SHISA9: variants seen among roughly 807,000 people sequenced by gnomAD.
SHISA9 encodes the protein shisa family member 9.
SHISA9 carries 13 observed loss-of-function variants against 38.0 expected under a neutral mutation model. The ratio of observed to expected loss-of-function variants is 0.34; its 90% confidence interval spans 0.22 to 0.54. The LOEUF is 0.54. SHISA9 is among the 20% of genes least tolerant of loss of function. The pLI is 0.91. For synonymous variants in SHISA9, 275 were observed against 242.0 expected (o/e 1.14, Z -1.27); for missense variants, 538 against 575.8 (o/e 0.93, Z 0.67).
intron 4 of SHISA9, among the ~76,000 whole-genome samples, chr16:13,219,763 C>G (rs1326044629): frequency 1.3e-5 from 2 of 152,130 alleles, no homozygotes; most frequent in Non-Finnish European, 2.9e-5. Flanking sequence ...TCAAGACCAA[C>G]CTGGCCAACA....
the SHISA9 span, among the ~76,000 whole-genome samples, chr16:13,375,042 T>C: frequency 6.6e-6 from 1 of 152,220 alleles, no homozygotes; most frequent in East Asian, 1.9e-4. Flanking sequence ...CGTAAATTTG[T>C]TTAAGTTCTT....
intron 2 of SHISA9, among the ~76,000 whole-genome samples, chr16:13,019,952 T>TCCTTCC (rs1567184272): frequency 3.4e-5 from 2 of 59,288 alleles, no homozygotes; most frequent in Admixed American, 3.9e-4. Context: ...TCTTTCTTTC[T>TCCTTCC]TTCTTTCCCT....
At chr16:13,446,537 A>G in the SHISA9 span, among the ~76,000 whole-genome samples, 3 of 152,316 alleles carry the variant, frequency 2.0e-5, no homozygotes, top group Non-Finnish European at 2.9e-5. Context: ...AGTGAGACCA[A>G]TAAGATGTCT....
At chr16:13,023,599 T>C (rs1039831245) in intron 2 of SHISA9, among the ~76,000 whole-genome samples, 1 of 152,234 alleles carries the variant, frequency 6.6e-6, no homozygotes, top group Non-Finnish European at 1.5e-5. Context: ...CGCCACACTG[T>C]CTTCCACAAT....
chr16:13,236,447 C>G lies in SHISA9; in HGVS notation c.*1038C>G, dbSNP rs1232760168. ...CCAAGACCTGAAACAGCCACAGAAA[C>G]AAGTCCTCTATAAACTGTATGTCCC... On this transcript the variant is annotated 3_prime_UTR_variant, in exon 5 of 5. Transcript: ENST00000558583. The G allele has an allele frequency of 6.6e-6, 1 of 152,142 alleles. No homozygotes were observed. Among genetic ancestry groups the G allele is most frequent in the Non-Finnish European group, 1.5e-5 (1 of 68,028 alleles). 9.4% of individuals were successfully genotyped at this position (152,142 alleles called of 1,614,324 possible). A position where few individuals can be genotyped will look rare whatever the true frequency, so the allele number is the denominator to read the frequency against.
At chr16:13,383,577 A>T in the SHISA9 span, among the ~76,000 whole-genome samples, 2 of 152,200 alleles carry the variant, frequency 1.3e-5, no homozygotes, top group African/African-American at 4.8e-5. Context: ...TGGAAAGGGC[A>T]TTGAGAGGAG....
chr16:12,941,737 G>A (rs887249632), intron 2 of SHISA9, among the ~76,000 whole-genome samples: 3 of 152,176 alleles, frequency 2.0e-5, no homozygotes, highest in Non-Finnish European at 2.9e-5. Context: ...TGTAATCGCA[G>A]CTACTTGGGA....
intron 2 of SHISA9, among the ~76,000 whole-genome samples, chr16:13,027,186 T>C (rs2072933260): frequency 6.6e-6 from 1 of 152,232 alleles, no homozygotes. Context: ...CAGCTTTCTT[T>C]GGAAATTCTG....
intron 2 of SHISA9, among the ~76,000 whole-genome samples, chr16:12,935,964 C>A: frequency 6.6e-6 from 1 of 151,872 alleles, no homozygotes; most frequent in East Asian, 1.9e-4. Flanking sequence ...GCTACTGAGG[C>A]AGGTGGAAAG....
the SHISA9 span, among the ~76,000 whole-genome samples, chr16:13,544,616 C>T: frequency 2.0e-5 from 3 of 151,876 alleles, no homozygotes; most frequent in African/African-American, 7.3e-5. Context: ...TTGGAGCAAC[C>T]ACCTTTTTAG....
At position 13,172,710 on chromosome 16, in the gene SHISA9, A is replaced by T. The variant is rs1026345894; in HGVS notation, c.692-30684A>T. ...ATGAGAGAGTACCAAGAACAATCAT[A>T]TGACTTAATTACAATTCACTTATCT... On this transcript the variant is annotated intron_variant, in intron 2 of 4. Transcript: ENST00000558583. 2.0e-5 allele frequency among the ~76,000 whole-genome samples: 3 copies of T among 147,802 alleles called. No homozygotes were observed. In the East Asian group the frequency reaches 5.9e-4, roughly 29 times the overall value.
chr16:13,294,896 A>G, the SHISA9 span, among the ~76,000 whole-genome samples: 7 of 152,332 alleles, frequency 4.6e-5, no homozygotes, highest in Admixed American at 3.3e-4. Context: ...AATAGCCAAC[A>G]TAGTGCAGTA....
intron 2 of SHISA9, among the ~76,000 whole-genome samples, chr16:13,081,939 C>A (rs2073655845): frequency 6.6e-6 from 1 of 151,846 alleles, no homozygotes; most frequent in Non-Finnish European, 1.5e-5. Flanking sequence ...TGGTGTGGCA[C>A]AATTTACTGC....
intron 3 of SHISA9, among the ~76,000 whole-genome samples, chr16:13,212,678 A>T (rs530011816): frequency 2.2e-4 from 33 of 152,310 alleles, no homozygotes; most frequent in Middle Eastern, 6.8e-3. Context: ...TCATTCAGTC[A>T]TATTTTCCAA....
At chr16:13,493,907 T>A in the SHISA9 span, among the ~76,000 whole-genome samples, 1 of 152,108 alleles carries the variant, frequency 6.6e-6, no homozygotes, top group African/African-American at 2.4e-5. Context: ...GAAGAGCTCA[T>A]AGATCCCAGA....
intron 2 of SHISA9, among the ~76,000 whole-genome samples, chr16:13,163,989 G>C (rs367898921): frequency 4.7e-4 from 71 of 151,722 alleles, no homozygotes; most frequent in African/African-American, 1.6e-3. Context: ...TTGCTGTATT[G>C]TACTGGATAG....
chr16:12,918,244 G>A (rs763834551), intron 2 of SHISA9, among the ~76,000 whole-genome samples: 24 of 152,104 alleles, frequency 1.6e-4, no homozygotes, highest in Non-Finnish European at 3.1e-4. Context: ...TGCTGTGTCC[G>A]ATTCTGGCTT....
At chr16:13,005,670 C>T (rs1410886149) in intron 2 of SHISA9, among the ~76,000 whole-genome samples, 1 of 152,172 alleles carries the variant, frequency 6.6e-6, no homozygotes, top group East Asian at 1.9e-4. Context: ...CCAGTAGGAC[C>T]TTCTGATTGG....
At chr16:13,243,001 G>A (rs2051446094), downstream of SHISA9, among the ~76,000 whole-genome samples, 2 of 152,154 alleles carry the variant, frequency 1.3e-5, no homozygotes, top group African/African-American at 4.8e-5. Context: ...AGCACTTTGG[G>A]AGGCCGAGAA....
Sources: gnomAD v4.1 joint callset for allele counts (sites outside exome capture counted in the v4.1 genomes callset) on GRCh38, gnomAD v4.1.1 for gene constraint, MANE v1.5 for transcripts, NCBI Gene and HGNC (gene_info 2026-07-23, HGNC 2026-07-21) for gene names.